Variants in AXDND1 observed in about 807,000 individuals in gnomAD.
The protein encoded by AXDND1 is axonemal dynein light chain domain-containing protein 1.
In AXDND1, 110 loss-of-function variants were observed where a neutral mutation model predicts 137.5. That is an observed-to-expected ratio of 0.80 (90% CI 0.69 to 0.94). The LOEUF (loss-of-function observed/expected upper bound fraction) is 0.94. Among genes scored for constraint, AXDND1 ranks in the 40% least tolerant of loss-of-function variants. The probability of loss-of-function intolerance (pLI) is 0.00; values close to 1 mark genes in which losing one functional copy is unlikely to be tolerated. For missense variants in AXDND1, 1,191 were observed against 1,169.8 expected, an observed-to-expected ratio of 1.02 and a Z score of -0.26; for synonymous variants, 414 against 399.7, an observed-to-expected ratio of 1.04 and a Z score of -0.43.
chr1:179,389,755 C>T (rs1649840249), intron 9 of AXDND1, among the ~76,000 whole-genome samples: 1 of 152,082 alleles, frequency 6.6e-6, no homozygotes, highest in Non-Finnish European at 1.5e-5. Flanking sequence ...TCTTATGGAT[C>T]TAGTTGGATT....
At chr1:179,420,295 C>T (rs758057316) in intron 12 of AXDND1, among the ~76,000 whole-genome samples, 4 of 152,152 alleles carry the variant, frequency 2.6e-5, no homozygotes, top group Non-Finnish European at 5.9e-5. Flanking sequence ...ATGAATCCCA[C>T]TTGATCATGG....
intron 4 of AXDND1, among the ~76,000 whole-genome samples, chr1:179,374,437 A>G (rs1317120520): frequency 6.6e-6 from 1 of 152,202 alleles, no homozygotes; most frequent in African/African-American, 2.4e-5. Flanking sequence ...AGGATCTAGA[A>G]CTAGAAATAC....
chr1:179,418,579 C>T (rs1347659035), intron 12 of AXDND1, among the ~76,000 whole-genome samples: 1 of 151,556 alleles, frequency 6.6e-6, no homozygotes, highest in Non-Finnish European at 1.5e-5. Context: ...GGCAGAGGCA[C>T]CCCTCACCTC....
intron 17 of AXDND1, among the ~76,000 whole-genome samples, chr1:179,472,905 G>A (rs1664142310): frequency 6.6e-6 from 1 of 152,028 alleles, no homozygotes; most frequent in African/African-American, 2.4e-5. Flanking sequence ...TGAATCTCAA[G>A]TGTGTCTTCT....
At chr1:179,509,971 G>A (rs945539931) in intron 21 of AXDND1, among the ~76,000 whole-genome samples, 10 of 151,850 alleles carry the variant, frequency 6.6e-5, no homozygotes, top group South Asian at 2.1e-4. Flanking sequence ...CTACTATAAG[G>A]TCACCAGTGA....
At chr1:179,453,434 G>T (rs1660839537) in intron 16 of AXDND1, 1 of 152,402 alleles carries the variant, frequency 6.6e-6, no homozygotes, top group Admixed American at 6.5e-5. Flanking sequence ...CAAGACCATG[G>T]GAGCCCATCT....
intron 25 of AXDND1, among the ~76,000 whole-genome samples, chr1:179,546,787 G>A (rs1209250259): frequency 2.0e-5 from 3 of 152,114 alleles, no homozygotes; most frequent in African/African-American, 7.2e-5. Flanking sequence ...TTAGTGGACA[G>A]TCCCCCTCAA....
intron 13 of AXDND1, among the ~76,000 whole-genome samples, chr1:179,430,240 A>G (rs1479530107): frequency 1.3e-5 from 2 of 151,422 alleles, no homozygotes; most frequent in African/African-American, 2.4e-5. Flanking sequence ...GTTGCAAAGG[A>G]AAAAAAAATC....
chr1:179,404,430 C>T (rs1652612869), intron 11 of AXDND1, among the ~76,000 whole-genome samples: 1 of 152,070 alleles, frequency 6.6e-6, no homozygotes, highest in African/African-American at 2.4e-5. Context: ...CTGTGTTGGC[C>T]AGGCTGGTCT....
intron 11 of AXDND1, among the ~76,000 whole-genome samples, chr1:179,397,170 G>T (rs1295266672): frequency 6.6e-6 from 1 of 152,112 alleles, no homozygotes; most frequent in Non-Finnish European, 1.5e-5. Context: ...CTCTTTTAAG[G>T]CAGATCTGGT....
At chr1:179,396,569 A>G (rs1185723586) in intron 11 of AXDND1, among the ~76,000 whole-genome samples, 1 of 150,808 alleles carries the variant, frequency 6.6e-6, no homozygotes, top group Non-Finnish European at 1.5e-5. Context: ...AATTGCTTGA[A>G]CCCAGGAGGC....
chr1:179,397,277 G>A (rs577787941), intron 11 of AXDND1, among the ~76,000 whole-genome samples: 106 of 152,106 alleles, frequency 7.0e-4, no homozygotes, highest in Non-Finnish European at 1.4e-3. Flanking sequence ...TTCTGGGTTG[G>A]AATTTCTTTT....
intron 20 of AXDND1, among the ~76,000 whole-genome samples, chr1:179,505,526 G>T (rs1227549751): frequency 6.6e-6 from 1 of 151,840 alleles, no homozygotes; most frequent in Non-Finnish European, 1.5e-5. Context: ...GGTAGTGGGT[G>T]CCTCCAAGCT....
chr1:179,537,786 C>A (rs557973856), intron 25 of AXDND1, among the ~76,000 whole-genome samples: 334 of 152,204 alleles, frequency 2.2e-3, no homozygotes, highest in African/African-American at 7.6e-3. Flanking sequence ...CCTCTTTGTA[C>A]CTCTGGTAGA....
chr1:179,366,824 TC>T (rs1367344341), intron 2 of AXDND1, among the ~76,000 whole-genome samples: 88 of 152,346 alleles, frequency 5.8e-4, no homozygotes, highest in African/African-American at 1.4e-3. Flanking sequence ...ATACTTTTTT[TC>T]AAATGTTGAT....
intron 12 of AXDND1, among the ~76,000 whole-genome samples, chr1:179,414,696 A>T (rs369900535): frequency 3.9e-5 from 6 of 152,132 alleles, no homozygotes; most frequent in East Asian, 3.9e-4. Flanking sequence ...AAGTGCTGGG[A>T]TTACAAGTGT....
chr1:179,396,467 G>C (rs1447861014), intron 11 of AXDND1, among the ~76,000 whole-genome samples: 1 of 152,074 alleles, frequency 6.6e-6, no homozygotes, highest in Non-Finnish European at 1.5e-5. Flanking sequence ...GGCCAACACG[G>C]TGAAACCCTG....
At chr1:179,517,799 G>A (rs1022618131) in intron 21 of AXDND1, among the ~76,000 whole-genome samples, 1 of 152,212 alleles carries the variant, frequency 6.6e-6, no homozygotes, top group Non-Finnish European at 1.5e-5. Flanking sequence ...AGTATTTGGG[G>A]TGTCTCCCAG....
chr1:179,538,674 T>C (rs1671788071), intron 25 of AXDND1, among the ~76,000 whole-genome samples: 1 of 152,214 alleles, frequency 6.6e-6, no homozygotes, highest in Non-Finnish European at 1.5e-5. Flanking sequence ...TTCTATTGAT[T>C]TGGGATGGAG....
Sources: gnomAD v4.1 joint callset for allele counts (sites outside exome capture counted in the v4.1 genomes callset) on GRCh38, gnomAD v4.1.1 for gene constraint, MANE v1.5 for transcripts, NCBI Gene and HGNC (gene_info 2026-07-23, HGNC 2026-07-21) for gene names.